Variants in ARHGAP6 observed in about 807,000 individuals in gnomAD.
ARHGAP6 encodes Rho GTPase activating protein 6, also known as rho GTPase-activating protein 6.
Under a neutral mutation model 55.7 loss-of-function variants are expected in ARHGAP6, and 16 were observed. The observed-to-expected ratio is 0.29, with a 90% CI of 0.19 to 0.44. ARHGAP6 has a LOEUF of 0.44. Among genes scored for constraint, ARHGAP6 ranks in the 20% least tolerant of loss-of-function variants. The probability of loss-of-function intolerance (pLI) is 1.00; values close to 1 mark genes in which losing one functional copy is unlikely to be tolerated. For synonymous variants in ARHGAP6, 382 were observed against 360.9 expected (o/e 1.06, Z -0.66); for missense variants, 698 against 808.9 (o/e 0.86, Z 1.66).
At chrX:11,510,686 G>A (rs1339985205) in intron 1 of ARHGAP6, among the ~76,000 whole-genome samples, 1 of 111,350 alleles carries the variant, frequency 9.0e-6, no homozygotes, top group African/African-American at 3.3e-5. Context: ...ACTACGGAGT[G>A]ATAGTGATGG....
At chrX:11,529,006 T>C (rs1390515819) in intron 1 of ARHGAP6, among the ~76,000 whole-genome samples, 1 of 112,063 alleles carries the variant, frequency 8.9e-6, no homozygotes, top group African/African-American at 3.2e-5. Context: ...CTGAAAGAAG[T>C]TGGATAGAGC....
intron 1 of ARHGAP6, among the ~76,000 whole-genome samples, chrX:11,443,228 G>A (rs2050058340): frequency 1.8e-5 from 2 of 112,530 alleles, no homozygotes; most frequent in Admixed American, 9.4e-5. Flanking sequence ...AGCAGGTAGC[G>A]AGACTCCTCT....
intron 1 of ARHGAP6, among the ~76,000 whole-genome samples, chrX:11,475,737 T>C (rs1422838144): frequency 9.6e-6 from 1 of 104,108 alleles, no homozygotes; most frequent in African/African-American, 3.5e-5. Flanking sequence ...ATACACTTCA[T>C]CAAATTAAAA....
intron 1 of ARHGAP6, among the ~76,000 whole-genome samples, chrX:11,417,760 T>C (rs929300927): frequency 3.6e-5 from 4 of 111,892 alleles, no homozygotes; most frequent in Non-Finnish European, 5.6e-5. Flanking sequence ...GATTCAAGCA[T>C]GCAGACTTGG....
intron 5 of ARHGAP6, among the ~76,000 whole-genome samples, chrX:11,185,892 G>A (rs1472510112): frequency 9.0e-6 from 1 of 111,093 alleles, no homozygotes; most frequent in Admixed American, 9.6e-5. Context: ...CTACTTTTAT[G>A]TATAAACAAT....
rs898465013 is a variant in ARHGAP6, at chrX:11,260,993, G to A, written c.589-6286C>T. ...CTGGCTTATTCATTTTGATGTTCTC[G>A]GTATCTAAGGCAGTACCTGGCACTT... On this transcript the variant is annotated intron_variant, in intron 1 of 12. Transcript: ENST00000337414. 1.1e-4 allele frequency among the ~76,000 whole-genome samples: 12 copies of A among 110,997 alleles called. No individual in the cohort carries two copies. The South Asian group carries it at 2.3e-3, about 22-fold the overall frequency.
intron 1 of ARHGAP6, among the ~76,000 whole-genome samples, chrX:11,289,426 C>A (rs1283955786): frequency 9.0e-6 from 1 of 111,523 alleles, no homozygotes; most frequent in Non-Finnish European, 1.9e-5. Context: ...TAAATTTAAA[C>A]CTCGGCTACC....
At chrX:11,316,632 G>A (rs889526623) in intron 1 of ARHGAP6, among the ~76,000 whole-genome samples, 2 of 112,223 alleles carry the variant, frequency 1.8e-5, no homozygotes, top group African/African-American at 6.5e-5. Flanking sequence ...TAGTAACCAT[G>A]TTGTACAATA....
At chrX:11,569,108 G>T (rs767005256) in intron 1 of ARHGAP6, among the ~76,000 whole-genome samples, 7 of 111,703 alleles carry the variant, frequency 6.3e-5, no homozygotes, top group Admixed American at 3.8e-4. Context: ...GAAAGAGGGG[G>T]TTCTACACTA....
At chrX:11,300,599 T>G (rs1387453999) in intron 1 of ARHGAP6, 1 of 1,194,469 alleles carries the variant, frequency 8.4e-7, no homozygotes, top group Non-Finnish European at 1.1e-6. Flanking sequence ...TTTTGCAATT[T>G]TTTTCAGGAT....
chrX:11,649,993 T>C (rs1355717006), intron 1 of ARHGAP6, among the ~76,000 whole-genome samples: 2 of 81,265 alleles, frequency 2.5e-5, no homozygotes, highest in Non-Finnish European at 5.6e-5. Flanking sequence ...TTTCTTTTCT[T>C]TTTTTTTTTT....
chrX:11,533,203 A>G (rs1210380340), intron 1 of ARHGAP6, among the ~76,000 whole-genome samples: 1 of 111,100 alleles, frequency 9.0e-6, no homozygotes, highest in East Asian at 2.8e-4. Context: ...TTTCAGTAAC[A>G]TATTTTAAAA....
chrX:11,194,923 A>C (rs1471151549), intron 3 of ARHGAP6, among the ~76,000 whole-genome samples: 1 of 111,997 alleles, frequency 8.9e-6, no homozygotes, highest in Non-Finnish European at 1.9e-5. Context: ...TAAAGCAGAA[A>C]TTCTATCATT....
intron 1 of ARHGAP6, among the ~76,000 whole-genome samples, chrX:11,381,516 C>T (rs1490336910): frequency 8.9e-6 from 1 of 111,863 alleles, no homozygotes; most frequent in African/African-American, 3.3e-5. Context: ...GTCCAAAGAA[C>T]AAAAGTAACC....
intron 1 of ARHGAP6, among the ~76,000 whole-genome samples, chrX:11,529,070 A>C (rs1432206750): frequency 9.0e-6 from 1 of 111,405 alleles, no homozygotes; most frequent in Non-Finnish European, 1.9e-5. Context: ...CCTCTCCCCC[A>C]TCTACTTTTA....
At chrX:11,214,024 A>C (rs1405244524) in intron 2 of ARHGAP6, among the ~76,000 whole-genome samples, 1 of 111,712 alleles carries the variant, frequency 9.0e-6, no homozygotes, top group Admixed American at 9.5e-5. Context: ...AATTATAAAG[A>C]GAAATGATGC....
At position 11,592,867 on chromosome X, in the gene ARHGAP6, C is replaced by G. The variant is rs147171099; in HGVS notation, c.588+71374G>C. Among the ~76,000 whole-genome samples, 828 of 111,408 alleles carry G rather than the reference C, an allele frequency of 7.4e-3. 1 individual carries two copies. Among genetic ancestry groups the G allele is most frequent in the Middle Eastern group, 0.023 (5 of 216 alleles). On this transcript the variant is annotated intron_variant, in intron 1 of 12. Coordinates refer to ENST00000337414, the MANE Select transcript of ARHGAP6 (RefSeq NM_013427.3). ...TTGGGAAAAGCAAGGTTTGAAGAGC[C>G]TCTGGTGAAATTTCTGGCCAGAAGA...
chrX:11,500,642 G>A (rs2050666938), intron 1 of ARHGAP6, among the ~76,000 whole-genome samples: 2 of 95,001 alleles, frequency 2.1e-5, no homozygotes, highest in Non-Finnish European at 2.0e-5. Context: ...CTGTACCCCG[G>A]GAAACAGAGC....
intron 1 of ARHGAP6, among the ~76,000 whole-genome samples, chrX:11,397,128 A>C (rs1603175252): frequency 8.9e-6 from 1 of 111,916 alleles, no homozygotes; most frequent in African/African-American, 3.2e-5. Context: ...CCCCCAAAGC[A>C]GAAAGGTCAG....
Sources: gnomAD v4.1 joint callset for allele counts (sites outside exome capture counted in the v4.1 genomes callset) on GRCh38, gnomAD v4.1.1 for gene constraint, MANE v1.5 for transcripts, NCBI Gene and HGNC (gene_info 2026-07-23, HGNC 2026-07-21) for gene names.